EFCAB7: variants seen among roughly 807,000 people sequenced by gnomAD.
The protein encoded by EFCAB7 is EF-hand calcium-binding domain-containing protein 7.
Under a neutral mutation model 77.1 loss-of-function variants are expected in EFCAB7, and 66 were observed. That is an observed-to-expected ratio of 0.86 (90% CI 0.70 to 1.05). The LOEUF (loss-of-function observed/expected upper bound fraction) is 1.05. EFCAB7 is among the 50% of genes least tolerant of loss of function. The pLI is 0.00. For missense variants in EFCAB7, 638 were observed against 730.5 expected (o/e 0.87, Z 1.46); for synonymous variants, 225 against 243.3 (o/e 0.92, Z 0.70).
chr1:63,575,945 TCTC>T (rs1431004106), downstream of EFCAB7, among the ~76,000 whole-genome samples: 2 of 152,132 alleles, frequency 1.3e-5, no homozygotes, highest in Non-Finnish European at 2.9e-5. Context: ...TAAGTCTTCT[TCTC>T]CTAATGAGTC....
intron 11 of EFCAB7, among the ~76,000 whole-genome samples, chr1:63,565,286 G>A (rs993628128): frequency 6.6e-6 from 1 of 151,964 alleles, no homozygotes; most frequent in African/African-American, 2.4e-5. Flanking sequence ...GTGAACCCGG[G>A]AGACAGAGCT....
chr1:63,531,739 A>G, intron 2 of EFCAB7, 81 bp from the exon 3 acceptor site: 1 of 1,157,754 alleles, frequency 8.6e-7, no homozygotes, highest in Non-Finnish European at 1.3e-6. Flanking sequence ...ATCATAATAC[A>G]TAATGATTTG....
chr1:63,580,058 G>A, the EFCAB7 span, among the ~76,000 whole-genome samples: 2 of 152,148 alleles, frequency 1.3e-5, no homozygotes, highest in Non-Finnish European at 2.9e-5. Flanking sequence ...GAGAGTGAAA[G>A]TTTTACATTT....
At chr1:63,565,284 G>A (rs563545954) in intron 11 of EFCAB7, among the ~76,000 whole-genome samples, 20 of 152,126 alleles carry the variant, frequency 1.3e-4, no homozygotes, top group African/African-American at 3.4e-4. Context: ...GTGTGAACCC[G>A]GGAGACAGAG....
At chr1:63,535,459 A>G (rs1646751761) in intron 6 of EFCAB7, among the ~76,000 whole-genome samples, 4 of 152,108 alleles carry the variant, frequency 2.6e-5, no homozygotes, top group Admixed American at 2.6e-4. Flanking sequence ...ACAAATATTT[A>G]TTGAATGACT....
chr1:63,580,158 A>AT, the EFCAB7 span, among the ~76,000 whole-genome samples: 16 of 152,122 alleles, frequency 1.1e-4, 1 homozygote, highest in East Asian at 2.9e-3. Flanking sequence ...GGTCACAAAG[A>AT]TTTTTCTTCT....
chr1:63,528,186 A>G (rs985471392), intron 2 of EFCAB7, among the ~76,000 whole-genome samples: 2 of 152,212 alleles, frequency 1.3e-5, no homozygotes, highest in Admixed American at 1.3e-4. Context: ...GAGTTCATCA[A>G]TAGATGAATG....
intron 4 of EFCAB7, 77 bp from the exon 5 acceptor site, chr1:63,533,377 C>T (rs1431940978): frequency 9.6e-7 from 1 of 1,046,460 alleles, no homozygotes; most frequent in Non-Finnish European, 1.4e-6. Context: ...TCCTTGCCTA[C>T]TAATGTGCAT....
chr1:63,571,483 A>G (rs999578530), intron 13 of EFCAB7, among the ~76,000 whole-genome samples: 10 of 151,854 alleles, frequency 6.6e-5, no homozygotes, highest in Admixed American at 2.6e-4. Context: ...AGACCAGCCT[A>G]GCCAACATGG....
At chr1:63,571,261 C>T (rs1303409039) in intron 13 of EFCAB7, 133 bp downstream of exon 13, 1 of 615,174 alleles carries the variant, frequency 1.6e-6, no homozygotes, top group East Asian at 2.9e-5. Context: ...GTATCAGTAT[C>T]ATTCTATACT....
intron 3 of EFCAB7, 88 bp downstream of exon 3, chr1:63,532,119 TAAG>T: frequency 1.0e-6 from 1 of 952,460 alleles, no homozygotes; most frequent in Non-Finnish European, 1.6e-6. Context: ...ACATTAAAAA[TAAG>T]TATTTCATTG....
At chr1:63,563,333 A>G (rs549338151) in intron 11 of EFCAB7, among the ~76,000 whole-genome samples, 1 of 152,242 alleles carries the variant, frequency 6.6e-6, no homozygotes, top group Non-Finnish European at 1.5e-5. Flanking sequence ...GAAAGTATCA[A>G]TAGATGATGA....
chr1:63,571,730 T>C (rs2100932280), intron 13 of EFCAB7, among the ~76,000 whole-genome samples: 1 of 146,984 alleles, frequency 6.8e-6, no homozygotes, highest in Non-Finnish European at 1.5e-5. Flanking sequence ...TTCACAAAGT[T>C]AAAGTAAGGA....
intron 12 of EFCAB7, chr1:63,569,591 G>A (rs1647210582): frequency 6.6e-6 from 1 of 151,422 alleles, no homozygotes; most frequent in East Asian, 2.0e-4. Flanking sequence ...AGGGGAAACA[G>A]TGTAAGGCGA....
intron 8 of EFCAB7, among the ~76,000 whole-genome samples, chr1:63,553,409 T>A (rs1209342935): frequency 6.6e-6 from 1 of 151,928 alleles, no homozygotes; most frequent in African/African-American, 2.4e-5. Context: ...GGTGCGATCT[T>A]GCTCACTGCA....
rs528423425 is a variant in EFCAB7 at position 63,541,320 on chromosome 1, A to G, written c.805-4596A>G. Among the ~76,000 whole-genome samples the G allele has an allele frequency of 1.1e-4, 16 of 152,304 alleles. No individual in the cohort carries two copies. The East Asian group carries it at 3.1e-3, about 29-fold the overall frequency. On this transcript the variant is annotated intron_variant, in intron 6 of 13. Coordinates refer to ENST00000371088, the MANE Select transcript of EFCAB7 (RefSeq NM_032437.4). Reference sequence around the variant, plus strand: ...AACCAAATAATGGTAAAATTATTACATTATATACCATTGGTGGTATTGTAA... The same window carrying G: ...AACCAAATAATGGTAAAATTATTACGTTATATACCATTGGTGGTATTGTAA...
At chr1:63,563,894 A>G (rs1217905398) in intron 11 of EFCAB7, among the ~76,000 whole-genome samples, 2 of 152,196 alleles carry the variant, frequency 1.3e-5, no homozygotes, top group Non-Finnish European at 2.9e-5. Context: ...GCCCCTATAT[A>G]CTGTAATTGA....
At chr1:63,574,244 T>G (rs1647348904), downstream of EFCAB7, among the ~76,000 whole-genome samples, 1 of 152,176 alleles carries the variant, frequency 6.6e-6, no homozygotes, top group Non-Finnish European at 1.5e-5. Context: ...AGAAGTGATT[T>G]CCTTGAGGGT....
At position 63,532,029 on chromosome 1, in the gene EFCAB7, A is replaced by C. The variant is rs1646703571; in HGVS notation, c.397A>C (p.Lys133Gln). The C allele has an allele frequency of 6.2e-7, 1 of 1,605,402 alleles. No individual in the cohort carries two copies. Among genetic ancestry groups the C allele is most frequent in the Non-Finnish European group, 8.5e-7 (1 of 1,174,542 alleles). Residue 133 changes from lysine (K) to glutamine (Q), a missense_variant and splice_region_variant, in exon 3 of 14, where the codon AAG becomes CAG. Transcript: ENST00000371088. ...CACTGACCTTTATAAATTTCTAACA[A>C]AGGTAAGATCTGTAAAACTGTTTTG... The part of the protein sequence containing the change: ...LHTDLYKFLT[K>Q]RGEKMTREEV...
Sources: allele counts gnomAD v4.1 joint callset (sites outside exome capture counted in the v4.1 genomes callset), GRCh38; gene constraint gnomAD v4.1.1; transcripts MANE v1.5; gene names NCBI Gene and HGNC (gene_info 2026-07-23, HGNC 2026-07-21).